Variants in TMEM131 observed in about 807,000 individuals in gnomAD.
The protein encoded by TMEM131 is 2610524E03Rik.
Under a neutral mutation model 211.6 loss-of-function variants are expected in TMEM131, and 66 were observed. The ratio of observed to expected loss-of-function variants is 0.31; its 90% confidence interval spans 0.26 to 0.38. TMEM131 has a LOEUF of 0.38. TMEM131 is among the 10% of genes least tolerant of loss of function. The pLI is 1.00. For missense variants in TMEM131, 2,036 were observed against 2,299.3 expected (o/e 0.89, Z 2.34); for synonymous variants, 844 against 841.3 (o/e 1.00, Z -0.06).
intron 1 of TMEM131, among the ~76,000 whole-genome samples, chr2:97,944,357 G>A (rs1226033763): frequency 6.6e-6 from 1 of 152,152 alleles, no homozygotes; most frequent in Non-Finnish European, 1.5e-5. Context: ...CAGTGTAAGA[G>A]ATAAAGCTAT....
At chr2:97,912,737 C>T (rs1676337515) in intron 2 of TMEM131, among the ~76,000 whole-genome samples, 1 of 152,124 alleles carries the variant, frequency 6.6e-6, no homozygotes, top group Non-Finnish European at 1.5e-5. Flanking sequence ...CCTTCCCACC[C>T]ATGCTTCTGT....
intron 31 of TMEM131, among the ~76,000 whole-genome samples, chr2:97,789,119 C>T (rs1020617703): frequency 6.6e-6 from 1 of 152,230 alleles, no homozygotes; most frequent in South Asian, 2.1e-4. Context: ...GCGCTTCACA[C>T]AAACTGTTCT....
chr2:97,892,115 T>C (rs1209558465), intron 3 of TMEM131, among the ~76,000 whole-genome samples: 2 of 152,236 alleles, frequency 1.3e-5, no homozygotes, highest in African/African-American at 2.4e-5. Flanking sequence ...ATTTTTAATT[T>C]GCACTTCCCT....
Position 97,826,339 on chromosome 2 carries a change from C to T in TMEM131, c.1074+7026G>A, listed in dbSNP as rs147151732. Among the ~76,000 whole-genome samples the T allele has an allele frequency of 3.7e-3, 571 of 152,334 alleles. 3 individuals are homozygous for T. The highest frequency in any genetic ancestry group is 0.013 in the African/African-American group (545 of 41,566). On this transcript the variant is annotated intron_variant, in intron 11 of 40. Coordinates refer to ENST00000186436, the MANE Select transcript of TMEM131 (RefSeq NM_015348.2). ...TAGCAAGTATGCTTATCTATTCCTA[C>T]ATGCCCATGCTGCAATATGGAAAGA...
chr2:97,917,430 C>T (rs548575979), intron 2 of TMEM131, among the ~76,000 whole-genome samples: 2 of 152,256 alleles, frequency 1.3e-5, no homozygotes, highest in East Asian at 3.9e-4. Flanking sequence ...AGCATGTCCT[C>T]AAGAAAAATA....
chr2:97,866,667 C>A (rs927347905), intron 4 of TMEM131, among the ~76,000 whole-genome samples: 2 of 152,040 alleles, frequency 1.3e-5, no homozygotes, highest in African/African-American at 4.8e-5. Context: ...TTTGCTGCAT[C>A]CCGTAAGTTT....
intron 2 of TMEM131, among the ~76,000 whole-genome samples, chr2:97,924,559 C>G (rs949480303): frequency 2.0e-5 from 3 of 152,204 alleles, no homozygotes; most frequent in Non-Finnish European, 2.9e-5. Flanking sequence ...GCCCCTGTCC[C>G]CACCACATCC....
intron 3 of TMEM131, among the ~76,000 whole-genome samples, chr2:97,896,364 A>G (rs750919309): frequency 9.2e-5 from 14 of 152,126 alleles, no homozygotes; most frequent in Non-Finnish European, 1.8e-4. Flanking sequence ...AGTTCTGCAG[A>G]TGTCTATTAG....
Position 97,819,613 on chromosome 2 carries a change from G to A in TMEM131, c.1075-892C>T, listed in dbSNP as rs897872734. Among the ~76,000 whole-genome samples, 3 of 152,264 alleles carry A rather than the reference G, an allele frequency of 2.0e-5. No individual in the cohort carries two copies. In the South Asian group the frequency reaches 6.2e-4, roughly 32 times the overall value. On this transcript the variant is annotated intron_variant, in intron 11 of 40. Coordinates refer to ENST00000186436, the MANE Select transcript of TMEM131 (RefSeq NM_015348.2). The stretch of plus-strand genomic sequence containing the variant: ...ACATGTATCACAAAATCGTGGTACT[G>A]TATACAACTCTTGATTAAAAAATAA...
At chr2:97,802,820 C>G in intron 22 of TMEM131, 30 bp from the exon 23 acceptor site, 1 of 1,510,370 alleles carries the variant, frequency 6.6e-7, no homozygotes, top group Admixed American at 2.5e-5. Context: ...GTCACTGTAT[C>G]AAAATGAAAT....
chr2:97,772,328 T>C lies in TMEM131; in HGVS notation c.4417A>G (p.Lys1473Glu). 1 of 1,603,528 alleles carries C rather than the reference T, an allele frequency of 6.2e-7. No individual in the cohort carries two copies. The highest frequency in any genetic ancestry group is 8.5e-7 in the Non-Finnish European group (1 of 1,177,590). Residue 1473 changes from lysine to glutamate, a missense_variant, in exon 33 of 41, where the codon AAG (lysine) becomes GAG (glutamate). Physicochemically the swap from Lys to Glu is moderately conservative, Grantham distance 56. Coordinates refer to ENST00000186436, the MANE Select transcript of TMEM131 (RefSeq NM_015348.2). ...TTCACATCTGTTGGGATTTCTTTCT[T>C]AATATTTAAGAGTTTTTTGCTTTTT... ...KQKSKKLLNIKKEIPTDVKPS... is the reference protein window; with the variant it reads ...KQKSKKLLNIEKEIPTDVKPS...
intron 5 of TMEM131, among the ~76,000 whole-genome samples, 184 bp from the exon 6 acceptor site, chr2:97,844,445 C>A (rs1683332438): frequency 6.6e-6 from 1 of 152,164 alleles, no homozygotes; most frequent in Non-Finnish European, 1.5e-5. Context: ...AGTCACATAT[C>A]TTTGTCAATT....
chr2:97,979,347 G>A lies in TMEM131; in HGVS notation c.187+16129C>T, dbSNP rs144325921. Among the ~76,000 whole-genome samples, 59 of 152,272 alleles carry A rather than the reference G, an allele frequency of 3.9e-4. 2 individuals carry two copies. The East Asian group carries it at 0.011, about 27-fold the overall frequency. On this transcript the variant is annotated intron_variant, in intron 1 of 40. Coordinates refer to ENST00000186436, the MANE Select transcript of TMEM131 (RefSeq NM_015348.2). ...TCAGCCTGTCCTTCGAAGCTTTGAC[G>A]CTAGGCACTGACTTCTCCTCTCTAG... is the stretch of plus-strand genomic sequence containing the variant.
intron 33 of TMEM131, among the ~76,000 whole-genome samples, chr2:97,767,715 G>A (rs1191153947): frequency 6.6e-6 from 1 of 152,116 alleles, no homozygotes; most frequent in Non-Finnish European, 1.5e-5. Flanking sequence ...TGGATGCATC[G>A]CCGGCATTTT....
At chr2:97,983,942 G>A (rs763085732) in intron 1 of TMEM131, among the ~76,000 whole-genome samples, 20 of 152,244 alleles carry the variant, frequency 1.3e-4, no homozygotes, top group Non-Finnish European at 2.5e-4. Flanking sequence ...TAAGAGAATA[G>A]ACTTGTGTTT....
intron 28 of TMEM131, 127 bp from the exon 29 acceptor site, chr2:97,795,242 T>C: frequency 1.7e-6 from 1 of 594,924 alleles, no homozygotes; most frequent in Non-Finnish European, 2.8e-6. Context: ...TTACTCAACT[T>C]CCGTATTTTA....
chr2:97,876,016 A>G (rs765686401), intron 4 of TMEM131, among the ~76,000 whole-genome samples: 28 of 152,360 alleles, frequency 1.8e-4, no homozygotes, highest in Middle Eastern at 3.4e-3. Context: ...AAAAAATGAT[A>G]TAGGGGATAT....
chr2:97,808,389 C>T (rs1363344756), intron 19 of TMEM131, among the ~76,000 whole-genome samples: 1 of 152,194 alleles, frequency 6.6e-6, no homozygotes, highest in Non-Finnish European at 1.5e-5. Flanking sequence ...TACATCTGCC[C>T]TGGTATTCCT....
intron 3 of TMEM131, among the ~76,000 whole-genome samples, chr2:97,895,394 AG>A (rs1191641808): frequency 2.0e-5 from 3 of 152,166 alleles, no homozygotes; most frequent in Non-Finnish European, 2.9e-5. Context: ...AAATGAGTTA[AG>A]GAGGATTCTC....
Sources: allele counts gnomAD v4.1 joint callset (sites outside exome capture counted in the v4.1 genomes callset), GRCh38; gene constraint gnomAD v4.1.1; transcripts MANE v1.5; gene names NCBI Gene and HGNC (gene_info 2026-07-23, HGNC 2026-07-21).